The following PPP3CB variants were observed in gnomAD, a reference collection of about 807,000 sequenced individuals.
The protein encoded by PPP3CB is serine/threonine-protein phosphatase 2B catalytic subunit beta isoform.
Under a neutral mutation model 66.4 loss-of-function variants are expected in PPP3CB, and 8 were observed. The observed-to-expected ratio is 0.12, with a 90% CI of 0.07 to 0.22. The LOEUF is 0.22. PPP3CB is among the 10% of genes least tolerant of loss of function. The pLI, the probability that PPP3CB is intolerant of heterozygous loss-of-function variation, is 1.00. For synonymous variants in PPP3CB, 208 were observed against 221.2 expected, an observed-to-expected ratio of 0.94 and a Z score of 0.53; for missense variants, 319 against 642.5, an observed-to-expected ratio of 0.50 and a Z score of 5.44.
chr10:73,466,792 C>T (rs775200397), intron 9 of PPP3CB, among the ~76,000 whole-genome samples: 5 of 152,032 alleles, frequency 3.3e-5, no homozygotes, highest in African/African-American at 1.2e-4. Flanking sequence ...GAGGGGGATA[C>T]TGAACAAAAT....
chr10:73,494,161 AT>A (rs146234789), intron 1 of PPP3CB, among the ~76,000 whole-genome samples: 4 of 150,068 alleles, frequency 2.7e-5, no homozygotes, highest in Admixed American at 6.7e-5. Context: ...CTGCATTACT[AT>A]TTTTTTTTTA....
chr10:73,468,241 T>C (rs1226536720), intron 8 of PPP3CB, among the ~76,000 whole-genome samples: 3 of 152,308 alleles, frequency 2.0e-5, no homozygotes, highest in African/African-American at 7.2e-5. Context: ...TATTTTACTT[T>C]GTTTAGAAAA....
At chr10:73,463,372 A>AC (rs1319812891) in intron 9 of PPP3CB, among the ~76,000 whole-genome samples, 2 of 152,150 alleles carry the variant, frequency 1.3e-5, no homozygotes, top group African/African-American at 4.8e-5. Context: ...TGGCTTGCTC[A>AC]CCATTTATCA....
At chr10:73,443,202 CACAT>C (rs1352864247) in intron 12 of PPP3CB, among the ~76,000 whole-genome samples, 2 of 145,324 alleles carry the variant, frequency 1.4e-5, no homozygotes, top group African/African-American at 5.3e-5. Flanking sequence ...CTCACACACA[CACAT>C]GTACACATGC....
chr10:73,446,647 G>GTT, intron 10 of PPP3CB, 74 bp from the exon 11 acceptor site: 1 of 1,375,822 alleles, frequency 7.3e-7, no homozygotes, highest in South Asian at 1.2e-5. Flanking sequence ...CTATTAGCCT[G>GTT]TTCCACACTC....
Position 73,456,307 on chromosome 10 carries a change from G to T in PPP3CB, c.1109-1818C>A, listed in dbSNP as rs1016508693. ...AGACATTAAATATCAACTGCAAAAGGTTGATGGAAAACATGCTGTAAGTGT... is the reference window on the plus strand; with the variant it reads ...AGACATTAAATATCAACTGCAAAAGTTTGATGGAAAACATGCTGTAAGTGT... On this transcript the variant is annotated intron_variant, in intron 9 of 13. Transcript: ENST00000360663. Among the ~76,000 whole-genome samples the T allele has an allele frequency of 4.6e-5, 7 of 152,298 alleles. No homozygotes were observed. The East Asian group carries it at 1.3e-3, about 29-fold the overall frequency.
chr10:73,494,480 A>T (rs2057139736), intron 1 of PPP3CB, among the ~76,000 whole-genome samples: 1 of 151,970 alleles, frequency 6.6e-6, no homozygotes, highest in Admixed American at 6.6e-5. Flanking sequence ...TTTTTGGTAG[A>T]GAAAAGGTTT....
At chr10:73,447,513 A>G (rs1327885531) in intron 10 of PPP3CB, among the ~76,000 whole-genome samples, 1 of 152,166 alleles carries the variant, frequency 6.6e-6, no homozygotes, top group Non-Finnish European at 1.5e-5. Context: ...GAAAACACAC[A>G]TGGAAGCACC....
intron 12 of PPP3CB, among the ~76,000 whole-genome samples, chr10:73,443,329 AAAAAGAAAGAG>A (rs2056192693): frequency 1.4e-5 from 2 of 140,472 alleles, no homozygotes; most frequent in African/African-American, 6.1e-5. Flanking sequence ...AGAAAGAAAG[AAAAAGAAAGAG>A]AAGAGAAGAG....
intron 1 of PPP3CB, among the ~76,000 whole-genome samples, chr10:73,482,112 A>G (rs1484286790): frequency 6.6e-6 from 1 of 152,218 alleles, no homozygotes; most frequent in Admixed American, 6.5e-5. Flanking sequence ...CTTTTGGGAC[A>G]TTACAAAAAT....
intron 11 of PPP3CB, among the ~76,000 whole-genome samples, chr10:73,445,679 C>T (rs921899844): frequency 1.3e-5 from 2 of 151,778 alleles, no homozygotes; most frequent in African/African-American, 2.4e-5. Context: ...GAACTCCGCC[C>T]GCTTTGGCCT....
intron 1 of PPP3CB, among the ~76,000 whole-genome samples, chr10:73,490,492 T>C (rs1235033874): frequency 6.6e-6 from 1 of 152,268 alleles, no homozygotes; most frequent in Non-Finnish European, 1.5e-5. Flanking sequence ...ACACAGACGA[T>C]GCCCAATTAG....
intron 1 of PPP3CB, among the ~76,000 whole-genome samples, chr10:73,482,236 GA>G (rs1276818946): frequency 6.6e-6 from 1 of 151,004 alleles, no homozygotes; most frequent in Non-Finnish European, 1.5e-5. Context: ...CTTGGGAAAA[GA>G]AACACTATTT....
chr10:73,474,932 G>A lies in PPP3CB; in HGVS notation c.510C>T (p.Thr170=), dbSNP rs1270169288. 3 of 1,613,770 alleles carry A rather than the reference G, an allele frequency of 1.9e-6. No homozygotes were observed. Among genetic ancestry groups the A allele is most frequent in the Middle Eastern group, 3.3e-4 (2 of 6,062 alleles). Reference sequence around the variant, plus strand: ...GGCAGTACTCACATTCCTGCTTAAAGGTAAAATATTCAGTAAGGTGTCTGC... The same window carrying A: ...GGCAGTACTCACATTCCTGCTTAAAAGTAAAATATTCAGTAAGGTGTCTGC... ...HECRHLTEYF[T]FKQECKIKYS... Residue 170 remains threonine, a synonymous_variant, in exon 4 of 14, where the codon ACC becomes ACT. Transcript: ENST00000360663.
At chr10:73,482,209 T>TC (rs1040462445) in intron 1 of PPP3CB, among the ~76,000 whole-genome samples, 5 of 152,116 alleles carry the variant, frequency 3.3e-5, no homozygotes, top group African/African-American at 1.2e-4. Context: ...AGAATTTTTT[T>TC]TTTTTTTAGC....
chr10:73,469,951 A>G (rs1359968710), intron 8 of PPP3CB, among the ~76,000 whole-genome samples: 2 of 152,228 alleles, frequency 1.3e-5, no homozygotes, highest in East Asian at 3.8e-4. Context: ...TGTAAACTAC[A>G]TAAACATACC....
intron 9 of PPP3CB, among the ~76,000 whole-genome samples, chr10:73,461,769 G>A (rs1436946843): frequency 6.6e-6 from 1 of 152,136 alleles, no homozygotes; most frequent in Non-Finnish European, 1.5e-5. Context: ...ATATTATAGG[G>A]ACCATGGGCA....
chr10:73,476,764 T>C (rs1384188224), intron 3 of PPP3CB, among the ~76,000 whole-genome samples: 1 of 152,140 alleles, frequency 6.6e-6, no homozygotes, highest in Non-Finnish European at 1.5e-5. Context: ...AAATGGGCCA[T>C]TTTCTGATTT....
intron 1 of PPP3CB, among the ~76,000 whole-genome samples, chr10:73,485,475 C>T (rs943432070): frequency 6.6e-6 from 1 of 152,176 alleles, no homozygotes; most frequent in South Asian, 2.1e-4. Flanking sequence ...AACGGGGGTA[C>T]AGTCTGTGCC....
Sources: gnomAD v4.1 joint callset for allele counts (sites outside exome capture counted in the v4.1 genomes callset) on GRCh38, gnomAD v4.1.1 for gene constraint, MANE v1.5 for transcripts, NCBI Gene and HGNC (gene_info 2026-07-23, HGNC 2026-07-21) for gene names.